NRG1: variants seen among roughly 807,000 people sequenced by gnomAD.
NRG1 encodes the protein pro-neuregulin-1, membrane-bound isoform.
In NRG1, 18 loss-of-function variants were observed where a neutral mutation model predicts 63.8. The observed-to-expected ratio is 0.28, with a 90% CI of 0.19 to 0.42. NRG1 has a LOEUF of 0.42. Among genes scored for constraint, NRG1 ranks in the 10% least tolerant of loss-of-function variants. The pLI, the probability that NRG1 is intolerant of heterozygous loss-of-function variation, is 1.00. For synonymous variants in NRG1, 302 were observed against 301.3 expected (o/e 1.00, Z -0.02); for missense variants, 762 against 814.7 (o/e 0.94, Z 0.79).
intron 1 of NRG1, among the ~76,000 whole-genome samples, chr8:32,092,986 C>T (rs888583073): frequency 6.6e-6 from 1 of 152,126 alleles, no homozygotes; most frequent in Non-Finnish European, 1.5e-5. Context: ...GGCCAGTAAC[C>T]ATCAGGGCTG....
chr8:31,740,662 T>C (rs926253100), intron 1 of NRG1, among the ~76,000 whole-genome samples: 2 of 149,764 alleles, frequency 1.3e-5, no homozygotes, highest in African/African-American at 4.9e-5. Flanking sequence ...TATGTACCTG[T>C]GTGAGTGCAT....
intron 1 of NRG1, among the ~76,000 whole-genome samples, chr8:32,257,808 A>T (rs1016432787): frequency 2.0e-5 from 3 of 152,218 alleles, no homozygotes; most frequent in African/African-American, 7.2e-5. Flanking sequence ...TCTAAAAGTG[A>T]TTTAAAACTC....
At chr8:32,557,189 A>G (rs550878236) in intron 1 of NRG1, among the ~76,000 whole-genome samples, 1 of 152,084 alleles carries the variant, frequency 6.6e-6, no homozygotes, top group South Asian at 2.1e-4. Context: ...TCGTATTTTT[A>G]GTAGAGACGG....
At chr8:31,712,435 A>C (rs971561594) in intron 1 of NRG1, among the ~76,000 whole-genome samples, 1 of 151,404 alleles carries the variant, frequency 6.6e-6, no homozygotes, top group Non-Finnish European at 1.5e-5. Context: ...CATCCGGCTA[A>C]TTTTTTGTAT....
chr8:32,145,368 G>C (rs367673272), intron 1 of NRG1, among the ~76,000 whole-genome samples: 7 of 151,344 alleles, frequency 4.6e-5, no homozygotes, highest in Non-Finnish European at 1.0e-4. Flanking sequence ...AAGATGAAGA[G>C]GGCACTTATA....
chr8:32,595,876 G>T, exon 2 of NRG1: 1 of 1,613,678 alleles, frequency 6.2e-7, no homozygotes, highest in Non-Finnish European at 8.5e-7. Context: ...TCGGCTGCAG[G>T]TTCCAAACTA....
intron 1 of NRG1, among the ~76,000 whole-genome samples, chr8:31,810,495 T>G (rs1281405127): frequency 6.6e-6 from 1 of 152,198 alleles, no homozygotes; most frequent in East Asian, 1.9e-4. Flanking sequence ...TCAGTCATAT[T>G]GGTCTTCTTG....
At chr8:32,458,422 T>G (rs1446095485) in intron 1 of NRG1, among the ~76,000 whole-genome samples, 1 of 152,236 alleles carries the variant, frequency 6.6e-6, no homozygotes, top group Admixed American at 6.5e-5. Context: ...TCTCAAAGCA[T>G]GGATCAAAGA....
chr8:32,104,053 A>G (rs1173058181), intron 1 of NRG1, among the ~76,000 whole-genome samples: 1 of 152,210 alleles, frequency 6.6e-6, no homozygotes, highest in African/African-American at 2.4e-5. Context: ...GCTTAACGAC[A>G]GGGATACTTT....
intron 1 of NRG1, among the ~76,000 whole-genome samples, chr8:32,412,240 T>C (rs985691417): frequency 3.3e-5 from 5 of 151,842 alleles, no homozygotes; most frequent in African/African-American, 1.2e-4. Flanking sequence ...CAGACTAGAA[T>C]TTATACCATT....
chr8:32,327,288 G>T (rs1802130042), intron 1 of NRG1, among the ~76,000 whole-genome samples: 2 of 152,224 alleles, frequency 1.3e-5, no homozygotes, highest in Non-Finnish European at 2.9e-5. Context: ...ATTATGCCCA[G>T]ATGCTGTCGT....
chr8:31,874,710 T>A (rs1829765279), intron 1 of NRG1, among the ~76,000 whole-genome samples: 2 of 152,136 alleles, frequency 1.3e-5, no homozygotes, highest in African/African-American at 4.8e-5. Flanking sequence ...TTTATAGCTA[T>A]TTTTTTGTAC....
intron 1 of NRG1, among the ~76,000 whole-genome samples, chr8:31,878,706 C>A (rs997794421): frequency 1.3e-5 from 2 of 152,156 alleles, no homozygotes; most frequent in Non-Finnish European, 2.9e-5. Flanking sequence ...GGATCTATTT[C>A]ATGAGTCATG....
intron 1 of NRG1, among the ~76,000 whole-genome samples, chr8:31,811,970 T>C (rs1822932408): frequency 6.6e-6 from 1 of 152,172 alleles, no homozygotes; most frequent in African/African-American, 2.4e-5. Flanking sequence ...TAAGCTCTGG[T>C]CATTTCTGCT....
chr8:32,639,735 G>T (rs1851983668), intron 5 of NRG1, among the ~76,000 whole-genome samples: 1 of 152,172 alleles, frequency 6.6e-6, no homozygotes, highest in South Asian at 2.1e-4. Flanking sequence ...TACATTTCTG[G>T]GTTGATTGGG....
At chr8:32,596,111 T>C (rs1843315067) in intron 2 of NRG1, 106 bp downstream of exon 2, 3 of 883,514 alleles carry the variant, frequency 3.4e-6, no homozygotes, top group Non-Finnish European at 4.9e-6. Flanking sequence ...ACATAATAGA[T>C]AATAAGTGAA....
chr8:32,364,512 G>T (rs888735021), intron 1 of NRG1, among the ~76,000 whole-genome samples: 1 of 152,022 alleles, frequency 6.6e-6, no homozygotes, highest in Non-Finnish European at 1.5e-5. Context: ...TTTCATGACT[G>T]ATTTTTAATA....
chr8:32,058,037 T>G (rs1463323607), intron 1 of NRG1, among the ~76,000 whole-genome samples: 2 of 103,518 alleles, frequency 1.9e-5, no homozygotes, highest in Non-Finnish European at 4.4e-5. Flanking sequence ...TTTAAGGTGA[T>G]ACATATTCCA....
intron 1 of NRG1, among the ~76,000 whole-genome samples, chr8:31,997,618 A>G (rs1437267591): frequency 6.6e-6 from 1 of 151,986 alleles, no homozygotes; most frequent in East Asian, 1.9e-4. Flanking sequence ...ACCCAAAGTG[A>G]GTGTCAGTGC....
Sources: allele counts gnomAD v4.1 joint callset (sites outside exome capture counted in the v4.1 genomes callset), GRCh38; gene constraint gnomAD v4.1.1; transcripts MANE v1.5; gene names NCBI Gene and HGNC (gene_info 2026-07-23, HGNC 2026-07-21).